The following PHF24 variants were observed in gnomAD, a reference collection of about 807,000 sequenced individuals.
The protein encoded by PHF24 is Galpha inhibitory interacting protein.
Under a neutral mutation model 42.6 loss-of-function variants are expected in PHF24, and 25 were observed. The ratio of observed to expected loss-of-function variants is 0.59; its 90% CI spans 0.43 to 0.82. The LOEUF is 0.82. PHF24 is among the 40% of genes least tolerant of loss of function. PHF24 has a pLI of 0.00. For synonymous variants in PHF24, 185 were observed against 204.8 expected, an observed-to-expected ratio of 0.90 and a Z score of 0.83; for missense variants, 470 against 538.1, an observed-to-expected ratio of 0.87 and a Z score of 1.25.
At chr9:34,775,389 G>C in the PHF24 span, among the ~76,000 whole-genome samples, 1 of 152,186 alleles carries the variant, frequency 6.6e-6, no homozygotes, top group East Asian at 1.9e-4. Flanking sequence ...TGGAAAAAGG[G>C]AGTAATGGAG....
chr9:34,925,192 C>T, the PHF24 span, among the ~76,000 whole-genome samples: 1 of 152,206 alleles, frequency 6.6e-6, no homozygotes, highest in Admixed American at 6.5e-5. Context: ...TCACTCCTCA[C>T]TCACCTGGCT....
the PHF24 span, among the ~76,000 whole-genome samples, chr9:34,920,515 T>C: frequency 6.6e-6 from 1 of 152,172 alleles, no homozygotes; most frequent in Non-Finnish European, 1.5e-5. Context: ...AAATTTAAGA[T>C]TATTTTTTCT....
At chr9:34,795,698 G>A in the PHF24 span, among the ~76,000 whole-genome samples, 1 of 152,138 alleles carries the variant, frequency 6.6e-6, no homozygotes, top group Non-Finnish European at 1.5e-5. Flanking sequence ...TTAGGATAGT[G>A]TGATGTAGAC....
chr9:34,740,598 G>A, the PHF24 span, among the ~76,000 whole-genome samples: 1 of 152,170 alleles, frequency 6.6e-6, no homozygotes, highest in African/African-American at 2.4e-5. Context: ...GCGCAGCCCC[G>A]GTTCCCGCTG....
chr9:34,865,961 A>G, the PHF24 span, among the ~76,000 whole-genome samples: 2 of 152,370 alleles, frequency 1.3e-5, no homozygotes, highest in East Asian at 3.9e-4. Flanking sequence ...GCAAGTCACA[A>G]GTAATAATCT....
the PHF24 span, among the ~76,000 whole-genome samples, chr9:34,820,516 T>C: frequency 6.6e-6 from 1 of 152,206 alleles, no homozygotes; most frequent in South Asian, 2.1e-4. Context: ...GTTTATTTGC[T>C]GAGAATAACG....
At chr9:34,685,975 C>T in the PHF24 span, among the ~76,000 whole-genome samples, 32 of 152,190 alleles carry the variant, frequency 2.1e-4, 2 homozygotes, top group Admixed American at 2.1e-3. Context: ...GTTGTCTATC[C>T]TGGGCAGGCG....
chr9:34,925,335 C>T, the PHF24 span, among the ~76,000 whole-genome samples: 1 of 152,066 alleles, frequency 6.6e-6, no homozygotes, highest in Non-Finnish European at 1.5e-5. Context: ...CAGAGAGAAC[C>T]TGTTTGGGTT....
At chr9:34,835,199 G>A in the PHF24 span, 2 of 1,551,616 alleles carry the variant, frequency 1.3e-6, no homozygotes, top group Non-Finnish European at 1.7e-6. Flanking sequence ...GGTCTGGATG[G>A]GCTGGCCAGC....
the PHF24 span, chr9:34,691,378 T>A: frequency 2.0e-6 from 1 of 498,108 alleles, no homozygotes; most frequent in African/African-American, 2.0e-5. Context: ...TGCCCCCCTC[T>A]TTCTGGCAGA....
the PHF24 span, among the ~76,000 whole-genome samples, chr9:34,852,746 G>A: frequency 1.3e-5 from 2 of 152,052 alleles, no homozygotes; most frequent in Non-Finnish European, 1.5e-5. Context: ...ATATGTTTTT[G>A]TATGTACTTG....
the PHF24 span, chr9:34,922,061 A>G: frequency 3.4e-6 from 3 of 876,378 alleles, no homozygotes; most frequent in South Asian, 4.9e-5. Flanking sequence ...GAAATATAGA[A>G]ATTCAAATAG....
the PHF24 span, among the ~76,000 whole-genome samples, chr9:34,864,977 C>A: frequency 1.3e-5 from 2 of 151,528 alleles, no homozygotes; most frequent in African/African-American, 4.9e-5. Context: ...GAGATTGAGA[C>A]CATCCTGGTT....
chr9:34,882,446 T>C, the PHF24 span, among the ~76,000 whole-genome samples: 1 of 152,304 alleles, frequency 6.6e-6, no homozygotes, highest in Admixed American at 6.5e-5. Context: ...GATGACATGA[T>C]TGTATATTTA....
At chr9:34,902,632 C>T in the PHF24 span, among the ~76,000 whole-genome samples, 16 of 151,638 alleles carry the variant, frequency 1.1e-4, no homozygotes, top group East Asian at 1.9e-4. Flanking sequence ...CCAGCCTGGG[C>T]GACAGAGTAA....
At chr9:34,837,777 T>C in the PHF24 span, 48 of 939,156 alleles carry the variant, frequency 5.1e-5, no homozygotes, top group Non-Finnish European at 7.4e-5. Context: ...CTTACATTTA[T>C]TTTCCACTCC....
At chr9:34,859,539 A>G in the PHF24 span, among the ~76,000 whole-genome samples, 1 of 152,112 alleles carries the variant, frequency 6.6e-6, no homozygotes, top group Non-Finnish European at 1.5e-5. Context: ...GATCTCCTAT[A>G]AGGTTATGAT....
At chr9:34,817,944 C>T in the PHF24 span, among the ~76,000 whole-genome samples, 4 of 152,148 alleles carry the variant, frequency 2.6e-5, no homozygotes, top group Non-Finnish European at 5.9e-5. Context: ...AGTCTTTATT[C>T]CAATACCACA....
the PHF24 span, among the ~76,000 whole-genome samples, chr9:34,934,967 T>C: frequency 6.6e-6 from 1 of 152,112 alleles, no homozygotes; most frequent in Non-Finnish European, 1.5e-5. Context: ...TTTGTAGCAG[T>C]AGTTTGCCGA....
Sources: gnomAD v4.1 joint callset for allele counts (sites outside exome capture counted in the v4.1 genomes callset) on GRCh38, gnomAD v4.1.1 for gene constraint, MANE v1.5 for transcripts, NCBI Gene and HGNC (gene_info 2026-07-23, HGNC 2026-07-21) for gene names.